The following CMIP variants were observed in gnomAD, a reference collection of about 807,000 sequenced individuals.
CMIP encodes C-Maf-inducing protein.
In CMIP, 13 loss-of-function variants were observed where a neutral mutation model predicts 97.3. The ratio of observed to expected loss-of-function variants is 0.13; its 90% CI spans 0.09 to 0.21. The LOEUF (loss-of-function observed/expected upper bound fraction) is 0.21. CMIP is among the 10% of genes least tolerant of loss of function. The pLI is 1.00. For missense variants in CMIP, 847 were observed against 1,024.9 expected (o/e 0.83, Z 2.37); for synonymous variants, 538 against 436.3 (o/e 1.23, Z -2.91).
At chr16:81,500,260 T>TTCCGTCCTTCCG (rs2089574449) in intron 1 of CMIP, among the ~76,000 whole-genome samples, 3 of 138,916 alleles carry the variant, frequency 2.2e-5, no homozygotes, top group Middle Eastern at 3.6e-3. Context: ...CCTTCCGTCC[T>TTCCGTCCTTCCG]TCCTTCCTTC....
At chr16:81,668,649 C>A (rs984894031) in intron 7 of CMIP, among the ~76,000 whole-genome samples, 2 of 152,114 alleles carry the variant, frequency 1.3e-5, no homozygotes, top group Admixed American at 1.3e-4. Flanking sequence ...CTTTCCCTAG[C>A]GTGGCACAGA....
chr16:81,462,698 C>G (rs1567527971), intron 1 of CMIP, among the ~76,000 whole-genome samples: 1 of 152,052 alleles, frequency 6.6e-6, no homozygotes, highest in East Asian at 1.9e-4. Flanking sequence ...CACTTCTTGC[C>G]CCTAAAATGT....
chr16:81,568,801 A>G (rs1307381806), intron 1 of CMIP, among the ~76,000 whole-genome samples: 1 of 152,220 alleles, frequency 6.6e-6, no homozygotes, highest in Non-Finnish European at 1.5e-5. Flanking sequence ...CAGCCTCGCC[A>G]TAAACCAGTC....
intron 1 of CMIP, among the ~76,000 whole-genome samples, chr16:81,514,375 C>T (rs1348354511): frequency 6.6e-6 from 1 of 152,122 alleles, no homozygotes; most frequent in African/African-American, 2.4e-5. Flanking sequence ...AAGAGGCAGC[C>T]CAGTTTGACC....
intron 1 of CMIP, among the ~76,000 whole-genome samples, chr16:81,504,363 C>T (rs1039289719): frequency 6.6e-6 from 1 of 151,484 alleles, no homozygotes; most frequent in East Asian, 1.9e-4. Flanking sequence ...GCCAGCGGGG[C>T]TGGGCACCAT....
intron 1 of CMIP, among the ~76,000 whole-genome samples, chr16:81,480,574 C>T (rs1331769374): frequency 2.6e-5 from 4 of 152,120 alleles, no homozygotes; most frequent in African/African-American, 9.7e-5. Context: ...GAGTCCAAAG[C>T]CCTGACCCAT....
At chr16:81,451,249 G>A (rs1029037726) in intron 1 of CMIP, among the ~76,000 whole-genome samples, 1 of 152,166 alleles carries the variant, frequency 6.6e-6, no homozygotes, top group Non-Finnish European at 1.5e-5. Flanking sequence ...TAGTGAATAA[G>A]TCTCACGAGA....
At chr16:81,546,420 C>G (rs2090547078) in intron 1 of CMIP, among the ~76,000 whole-genome samples, 1 of 152,146 alleles carries the variant, frequency 6.6e-6, no homozygotes, top group Admixed American at 6.6e-5. Context: ...ACTCAGAAAT[C>G]CACCCAGAGG....
chr16:81,704,809 T>G (rs183972363), intron 18 of CMIP, among the ~76,000 whole-genome samples: 30 of 140,514 alleles, frequency 2.1e-4, no homozygotes, highest in Non-Finnish European at 3.8e-4. Context: ...CAGCACCCAC[T>G]CCCTGAGGCT....
At chr16:81,689,336 T>G (rs1426665691) in intron 10 of CMIP, among the ~76,000 whole-genome samples, 2 of 152,230 alleles carry the variant, frequency 1.3e-5, no homozygotes, top group African/African-American at 4.8e-5. Context: ...CCTGACTTTT[T>G]AATGATCGCC....
rs1290281749 is a variant in CMIP at position 81,710,439 on chromosome 16, C to G, written c.*640C>G. 6.5e-6 allele frequency: 1 copy of G among 154,008 alleles called. No homozygotes were observed. Among genetic ancestry groups the G allele is most frequent in the Non-Finnish European group, 1.4e-5 (1 of 69,310 alleles). The allele number at this position is 154,008 out of a possible 1,614,324, so 9.5% of individuals were successfully genotyped here. On this transcript the variant is annotated 3_prime_UTR_variant, in exon 21 of 21. Coordinates refer to ENST00000537098, the MANE Select transcript of CMIP (RefSeq NM_198390.3). ...CCGCCCGACCCCACCGCCCTCCCGC[C>G]CCCACCTGGCGTGTAGTACTGTATA...
intron 3 of CMIP, among the ~76,000 whole-genome samples, chr16:81,640,740 G>GTT (rs1324267859): frequency 1.1e-5 from 1 of 88,518 alleles, no homozygotes; most frequent in African/African-American, 6.0e-5. Flanking sequence ...TCTGGAGCAT[G>GTT]TGTGTGTGTG....
chr16:81,628,247 G>A (rs1247447366), intron 3 of CMIP, among the ~76,000 whole-genome samples: 3 of 152,116 alleles, frequency 2.0e-5, no homozygotes, highest in Non-Finnish European at 4.4e-5. Context: ...CTGGGGAAGA[G>A]CCACTCCTAG....
chr16:81,444,870 C>T lies in CMIP; in HGVS notation c.-372C>T, dbSNP rs1300124292. Among the ~76,000 whole-genome samples the T allele has an allele frequency of 1.4e-5, 2 of 142,798 alleles. No homozygotes were observed. Among genetic ancestry groups the T allele is most frequent in the African/African-American group, 5.0e-5 (2 of 39,826 alleles). The allele number at this position is 142,798 out of a possible 152,430, so 93.7% of individuals were successfully genotyped here. On this transcript the variant is annotated 5_prime_UTR_variant, in exon 1 of 21. Coordinates refer to ENST00000537098, the MANE Select transcript of CMIP (RefSeq NM_198390.3). ...ACACACGCGCGCGGCGGCGCGGGGC[C>T]CCGAGACACGCCCGCCCCCACCCCG...
At chr16:81,499,352 C>T (rs1174617398) in intron 1 of CMIP, among the ~76,000 whole-genome samples, 1 of 152,234 alleles carries the variant, frequency 6.6e-6, no homozygotes, top group Non-Finnish European at 1.5e-5. Flanking sequence ...CACTTGCACA[C>T]CCATGTACAC....
At chr16:81,645,337 G>A (rs1051434929) in intron 3 of CMIP, 1 of 1,382,020 alleles carries the variant, frequency 7.2e-7, no homozygotes, top group African/African-American at 1.5e-5. Context: ...GACAGGTGGT[G>A]GGGAGCATGC....
At chr16:81,500,256 G>GTCCTTCCTTCCGTCCGTCCGTCCTTCCT (rs2089573766) in intron 1 of CMIP, among the ~76,000 whole-genome samples, 11 of 109,682 alleles carry the variant, frequency 1.0e-4, no homozygotes, top group African/African-American at 3.6e-4. Context: ...CCTTCCTTCC[G>GTCCTTCCTTCCGTCCGTCCGTCCTTCCT]TCCTTCCTTC....
chr16:81,705,366 C>T, intron 18 of CMIP, 133 bp from the exon 19 acceptor site: 1 of 635,944 alleles, frequency 1.6e-6, no homozygotes, highest in Non-Finnish European at 2.7e-6. Flanking sequence ...GCAGCCCAGA[C>T]CCCAGGGCTT....
intron 1 of CMIP, among the ~76,000 whole-genome samples, chr16:81,536,505 A>G (rs988421817): frequency 6.6e-6 from 1 of 152,190 alleles, no homozygotes; most frequent in Non-Finnish European, 1.5e-5. Context: ...CCCTGTCCTA[A>G]CCATTTTTAA....
Sources: allele counts gnomAD v4.1 joint callset (sites outside exome capture counted in the v4.1 genomes callset), GRCh38; gene constraint gnomAD v4.1.1; transcripts MANE v1.5; gene names NCBI Gene and HGNC (gene_info 2026-07-23, HGNC 2026-07-21).